Variants in PXDNL observed in about 807,000 individuals in gnomAD.
The protein encoded by PXDNL is peroxidasin like, also known as probable oxidoreductase PXDNL.
PXDNL carries 145 observed loss-of-function variants against 150.8 expected under a neutral mutation model. The observed-to-expected ratio is 0.96, with a 90% CI of 0.84 to 1.10. The LOEUF (loss-of-function observed/expected upper bound fraction) is 1.10. Ranked by LOEUF, PXDNL falls within the 50% of genes least tolerant of loss-of-function variation. PXDNL has a pLI of 0.00. For synonymous variants in PXDNL, 757 were observed against 725.7 expected, an observed-to-expected ratio of 1.04 and a Z score of -0.69; for missense variants, 2,087 against 1,873.9, an observed-to-expected ratio of 1.11 and a Z score of -2.10.
intron 6 of PXDNL, among the ~76,000 whole-genome samples, chr8:51,482,064 C>T (rs547921796): frequency 2.0e-5 from 3 of 152,306 alleles, no homozygotes; most frequent in Admixed American, 2.0e-4. Flanking sequence ...ATAGCTTGTA[C>T]TGTGCACCTG....
chr8:51,546,235 G>T (rs1396463982), intron 4 of PXDNL, among the ~76,000 whole-genome samples: 1 of 152,170 alleles, frequency 6.6e-6, no homozygotes, highest in Admixed American at 6.5e-5. Context: ...TCCCACTGGG[G>T]AACCTAAAAA....
At chr8:51,380,166 A>C (rs1037399019) in intron 17 of PXDNL, among the ~76,000 whole-genome samples, 21 of 152,192 alleles carry the variant, frequency 1.4e-4, no homozygotes, top group African/African-American at 4.8e-4. Flanking sequence ...TAATATTTTA[A>C]GAAAGTCTAT....
chr8:51,395,006 G>GAT (rs1808036771), intron 17 of PXDNL, among the ~76,000 whole-genome samples: 1 of 152,142 alleles, frequency 6.6e-6, no homozygotes, highest in African/African-American at 2.4e-5. Context: ...AACCCCATGA[G>GAT]ATATAACCTG....
chr8:51,369,207 G>A (rs1370782595), intron 19 of PXDNL, among the ~76,000 whole-genome samples: 1 of 152,176 alleles, frequency 6.6e-6, no homozygotes, highest in East Asian at 1.9e-4. Context: ...TCAGGTCTCA[G>A]GGATGGACTC....
At chr8:51,458,816 A>T (rs574705830) in intron 8 of PXDNL, among the ~76,000 whole-genome samples, 1 of 152,338 alleles carries the variant, frequency 6.6e-6, no homozygotes, top group East Asian at 1.9e-4. Context: ...TTTGTTGTGA[A>T]AGATAAGAAA....
In PXDNL at chr8:51,413,274, C is replaced by G. The variant is rs781756077; in HGVS notation, c.1796-16G>C. 8.7e-6 allele frequency: 13 copies of G among 1,487,562 alleles called. No homozygotes were observed. In the South Asian group the frequency reaches 1.5e-4, roughly 17 times the overall value. The allele number at this position is 1,487,562 out of a possible 1,614,324, so 92.1% of individuals were successfully genotyped here. A position where few individuals can be genotyped will look rare whatever the true frequency, so the allele number is the denominator to read the frequency against. On this transcript the variant is annotated splice_polypyrimidine_tract_variant and intron_variant, in intron 14 of 22. Transcript: ENST00000356297. ...CCCTGTATAGCTTTGAAAATCAATT[C>G]CATGATTAAAAATATCAAACAGACC...
intron 1 of PXDNL, among the ~76,000 whole-genome samples, chr8:51,710,130 C>A (rs564901759): frequency 3.3e-5 from 5 of 152,288 alleles, no homozygotes; most frequent in Non-Finnish European, 7.4e-5. Flanking sequence ...CTCTGCTAAT[C>A]CCTTTAACTG....
At chr8:51,641,381 G>T (rs1336598057) in intron 2 of PXDNL, among the ~76,000 whole-genome samples, 1 of 149,810 alleles carries the variant, frequency 6.7e-6, no homozygotes, top group Non-Finnish European at 1.5e-5. Context: ...AAGAGCTTCT[G>T]CACAGCAAAA....
intron 19 of PXDNL, among the ~76,000 whole-genome samples, chr8:51,351,825 T>C (rs1435614879): frequency 6.6e-6 from 1 of 152,176 alleles, no homozygotes; most frequent in African/African-American, 2.4e-5. Context: ...TTCCCTTCCA[T>C]GAGGCCCTCT....
chr8:51,373,258 TG>T (rs1483173285), intron 18 of PXDNL, among the ~76,000 whole-genome samples: 1 of 152,152 alleles, frequency 6.6e-6, no homozygotes, highest in African/African-American at 2.4e-5. Context: ...AGGGAGAAGA[TG>T]CCACATACAA....
chr8:51,735,389 G>A (rs577119371), intron 1 of PXDNL, among the ~76,000 whole-genome samples: 1 of 151,896 alleles, frequency 6.6e-6, no homozygotes, highest in South Asian at 2.1e-4. Context: ...GGAGGCTGAG[G>A]CAGGAGCATC....
chr8:51,428,566 T>C (rs1200214377), intron 12 of PXDNL, among the ~76,000 whole-genome samples: 1 of 152,144 alleles, frequency 6.6e-6, no homozygotes, highest in Admixed American at 6.5e-5. Context: ...AATAGACCCA[T>C]ACAATATGCT....
intron 1 of PXDNL, among the ~76,000 whole-genome samples, chr8:51,731,879 G>A (rs1301794358): frequency 6.6e-6 from 1 of 152,212 alleles, no homozygotes. Context: ...CACACAGCAA[G>A]GGGCCCGGAA....
Position 51,402,904 on chromosome 8 carries a change from T to TACACAC in PXDNL, c.3557+5157_3557+5162dup, listed in dbSNP as rs55768775. On this transcript the variant is annotated intron_variant, in intron 17 of 22. Coordinates refer to ENST00000356297, the MANE Select transcript of PXDNL (RefSeq NM_144651.5). The stretch of plus-strand genomic sequence containing the variant: ...GGTAAAACCCCGTCTCTACTAAAAA[T>TACACAC]ACACACACACACACACACACACACA... Among the ~76,000 whole-genome samples the TACACAC allele has an allele frequency of 1.1e-3, 164 of 146,166 alleles. 1 individual carries two copies. The highest frequency in any genetic ancestry group is 3.6e-3 in the Middle Eastern group (1 of 278).
At chr8:51,478,995 T>A (rs962873824) in intron 6 of PXDNL, among the ~76,000 whole-genome samples, 2 of 152,144 alleles carry the variant, frequency 1.3e-5, no homozygotes, top group Non-Finnish European at 2.9e-5. Context: ...CTTAAAACAT[T>A]TGGAATAAGC....
intron 1 of PXDNL, among the ~76,000 whole-genome samples, chr8:51,719,050 G>A (rs111712409): frequency 5.3e-5 from 8 of 151,184 alleles, no homozygotes; most frequent in Non-Finnish European, 1.2e-4. Context: ...GGGCACCTCC[G>A]CCCGGCCGCC....
At chr8:51,358,598 G>A (rs1371089567) in intron 19 of PXDNL, among the ~76,000 whole-genome samples, 1 of 152,202 alleles carries the variant, frequency 6.6e-6, no homozygotes, top group Non-Finnish European at 1.5e-5. Context: ...TGATCAGCAT[G>A]TACCTCAACC....
chr8:51,741,666 G>A (rs1327713560), intron 1 of PXDNL, among the ~76,000 whole-genome samples: 1 of 152,100 alleles, frequency 6.6e-6, no homozygotes, highest in African/African-American at 2.4e-5. Context: ...ACAAAATAGA[G>A]AACCCCAAAA....
At chr8:51,710,825 T>C (rs1304197189) in intron 1 of PXDNL, among the ~76,000 whole-genome samples, 1 of 152,214 alleles carries the variant, frequency 6.6e-6, no homozygotes, top group Non-Finnish European at 1.5e-5. Flanking sequence ...TTTTAACATC[T>C]TTTTATAATA....
Sources: gnomAD v4.1 joint callset for allele counts (sites outside exome capture counted in the v4.1 genomes callset) on GRCh38, gnomAD v4.1.1 for gene constraint, MANE v1.5 for transcripts, NCBI Gene and HGNC (gene_info 2026-07-23, HGNC 2026-07-21) for gene names.